SYNE1: variants seen among roughly 807,000 people sequenced by gnomAD.
SYNE1 encodes the protein nesprin-1.
SYNE1 carries 616 observed loss-of-function variants against 1,111.0 expected under a neutral mutation model. The ratio of observed to expected loss-of-function variants is 0.55; its 90% CI spans 0.52 to 0.59. The LOEUF is 0.59. Ranked by LOEUF, SYNE1 falls within the 20% of genes least tolerant of loss-of-function variation. The probability of loss-of-function intolerance (pLI) is 0.00; values close to 1 mark genes in which losing one functional copy is unlikely to be tolerated. For synonymous variants in SYNE1, 3,855 were observed against 3,825.8 expected (o/e 1.01, Z -0.28); for missense variants, 10,006 against 10,417.0 (o/e 0.96, Z 1.72).
At position 152,373,203 on chromosome 6, in the gene SYNE1, C is replaced by T. The variant is rs746850982; in HGVS notation, c.9341G>A (p.Ser3114Asn). 4 of 1,612,134 alleles carry T rather than the reference C, an allele frequency of 2.5e-6. No individual in the cohort carries two copies. Among genetic ancestry groups the T allele is most frequent in the East Asian group, 2.2e-5 (1 of 44,876 alleles). The change falls in exon 59 of 146, where the codon AGT becomes AAT. Residue 3114 changes from serine to asparagine, a missense_variant. By Grantham distance (46) the Ser-to-Asn change is conservative. This residue lies in a region of SYNE1 where 4,955 missense variants were observed against 5,017.2 expected (regional missense o/e 0.99). Coordinates refer to ENST00000367255, the MANE Select transcript of SYNE1 (RefSeq NM_182961.4). Reference sequence around the variant, plus strand: ...GTTTAGCTTGTGCTGTCCATTTTCACTTTCTGACAAAAACTCCTATAAAAG... The same window carrying T: ...GTTTAGCTTGTGCTGTCCATTTTCATTTTCTGACAAAAACTCCTATAAAAG... ...LQKIQEFLSE[S>N]ENGQHKLNMM...
chr6:152,150,565 A>G lies in SYNE1; in HGVS notation c.24451-897T>C, dbSNP rs1393092028. ...TGTCTACGGGCAAGTTCCTTGTTTT[A>G]TCATAACAACCCAAAGGTTATGGGC... On this transcript the variant is annotated intron_variant, in intron 135 of 145. Transcript: ENST00000367255. Among the ~76,000 whole-genome samples the G allele has an allele frequency of 3.3e-5, 5 of 152,294 alleles. No homozygotes were observed. The East Asian group carries it at 9.6e-4, about 29-fold the overall frequency.
In SYNE1 at chr6:152,533,563, C is replaced by T. The variant is rs75057514; in HGVS notation, c.129+6397G>A. ...TTTTCAAAAGTCTTCCAGTATCCAA[C>T]CACCTCTCATCACCTCTACTGCTAC... On this transcript the variant is annotated intron_variant, in intron 4 of 145. Transcript: ENST00000367255. 7.8e-3 allele frequency among the ~76,000 whole-genome samples: 1,182 copies of T among 152,206 alleles called. 21 individuals are homozygous for T. Among genetic ancestry groups the T allele is most frequent in the African/African-American group, 0.027 (1,129 of 41,532 alleles).
intron 14 of SYNE1, among the ~76,000 whole-genome samples, chr6:152,472,808 G>T (rs2098814096): frequency 6.6e-6 from 1 of 152,152 alleles, no homozygotes; most frequent in African/African-American, 2.4e-5. Context: ...AACCTTTAAT[G>T]GCAAAAGAGA....
intron 53 of SYNE1, among the ~76,000 whole-genome samples, chr6:152,389,089 A>G (rs995090747): frequency 6.6e-6 from 1 of 152,186 alleles, no homozygotes; most frequent in Non-Finnish European, 1.5e-5. Flanking sequence ...ACAACAACAA[A>G]AAAACCCTCC....
Position 152,268,142 on chromosome 6 carries a change from C to T in SYNE1, c.18729G>A (p.Glu6243=), listed in dbSNP as rs1356313993. Residue 6243 remains glutamate, a synonymous_variant, in exon 100 of 146, where the codon GAG becomes GAA. Coordinates refer to ENST00000367255, the MANE Select transcript of SYNE1 (RefSeq NM_182961.4). Reference sequence around the variant, plus strand: ...CTACTGAGCGAAGGAGACTCTTCTGCTCGGCTAATTCCTGTTCTAACTCCT... The same window carrying T: ...CTACTGAGCGAAGGAGACTCTTCTGTTCGGCTAATTCCTGTTCTAACTCCT... ...QQKELEQELA[E]QKSLLRSVAS... The T allele has an allele frequency of 3.7e-6, 6 of 1,614,136 alleles. No homozygotes were observed. The highest frequency in any genetic ancestry group is 5.1e-6 in the Non-Finnish European group (6 of 1,179,998).
intron 129 of SYNE1, among the ~76,000 whole-genome samples, chr6:152,178,141 T>C (rs936038209): frequency 2.6e-5 from 4 of 152,140 alleles, no homozygotes; most frequent in African/African-American, 7.2e-5. Context: ...AAATTATCTA[T>C]ATGAAAAGCT....
At chr6:152,203,594 G>A (rs940509721) in intron 126 of SYNE1, among the ~76,000 whole-genome samples, 4 of 152,212 alleles carry the variant, frequency 2.6e-5, no homozygotes, top group Non-Finnish European at 5.9e-5. Flanking sequence ...ATTATCATCA[G>A]TCTTTTCTTA....
chr6:152,448,806 C>T (rs760675896), intron 28 of SYNE1, among the ~76,000 whole-genome samples: 1 of 152,090 alleles, frequency 6.6e-6, no homozygotes, highest in Non-Finnish European at 1.5e-5. Context: ...GGTGCCACTG[C>T]ACTCCAAACC....
At chr6:152,318,307 A>T in intron 85 of SYNE1, 44 bp from the exon 86 acceptor site, 1 of 1,608,796 alleles carries the variant, frequency 6.2e-7, no homozygotes, top group East Asian at 2.2e-5. Context: ...TACAGAAAAT[A>T]AATTTCTCCA....
intron 3 of SYNE1, among the ~76,000 whole-genome samples, chr6:152,605,037 GGA>G (rs1216055862): frequency 4.9e-4 from 16 of 32,338 alleles, no homozygotes; most frequent in East Asian, 1.9e-3. Context: ...AGAGAGAGAG[GGA>G]GGGAGGGAGG....
intron 47 of SYNE1, among the ~76,000 whole-genome samples, chr6:152,400,778 T>C (rs963026340): frequency 1.3e-5 from 2 of 152,146 alleles, no homozygotes; most frequent in African/African-American, 2.4e-5. Flanking sequence ...ATAAATATAA[T>C]TAAGTGATGA....
At chr6:152,218,778 T>C (rs1006624315) in intron 120 of SYNE1, among the ~76,000 whole-genome samples, 2 of 152,208 alleles carry the variant, frequency 1.3e-5, no homozygotes, top group African/African-American at 4.8e-5. Context: ...CAGGCATTGG[T>C]TCAGGGGCTT....
chr6:152,232,137 A>T lies in SYNE1; in HGVS notation c.20841T>A (p.His6947Gln). ...TTACCTTATATTTCTGAAGGTATTC[A>T]TGAATTGCCTTGTAACCTATGGAAT... ...IKNSIGYKAI[H>Q]EYLQKYKGFK... Residue 6947 changes from histidine to glutamine, a missense_variant, in exon 113 of 146, where the codon CAT becomes CAA. His to Gln is a conservative substitution (Grantham distance 24, BLOSUM62 0). Around this residue, in one of 7 missense-constraint regions of SYNE1, gnomAD observed 2,182 missense variants for 2,287.8 expected, o/e 0.95. Transcript: ENST00000367255. 1 of 1,590,138 alleles carries T rather than the reference A, an allele frequency of 6.3e-7. No homozygotes were observed.
chr6:152,195,527 C>T (rs957063723), intron 127 of SYNE1, among the ~76,000 whole-genome samples: 2 of 152,204 alleles, frequency 1.3e-5, no homozygotes, highest in Admixed American at 1.3e-4. Flanking sequence ...CACCCCAAGC[C>T]CACTAAAACT....
chr6:152,242,311 T>C lies in SYNE1; in HGVS notation c.19822A>G (p.Lys6608Glu), dbSNP rs775815556. ...LADLLETGQE[K>E]MAGDQKIIVS... is the part of the protein sequence containing the mutation. The stretch of plus-strand genomic sequence containing the variant: ...ATGATTTTCTGGTCTCCTGCCATCT[T>C]CTCCTGACCAGTTTCTAGCAGGTCA... The change falls in exon 107 of 146, where the codon AAG (lysine) becomes GAG (glutamate). Residue 6608 changes from lysine (K) to glutamate (E), a missense_variant. Around this residue, in one of 7 missense-constraint regions of SYNE1, gnomAD observed 2,182 missense variants for 2,287.8 expected, o/e 0.95. Transcript: ENST00000367255. The C allele has an allele frequency of 6.2e-7, 1 of 1,614,086 alleles. No individual in the cohort carries two copies. The highest frequency in any genetic ancestry group is 1.7e-5 in the Admixed American group (1 of 60,006).
chr6:152,245,268 G>A (rs2086826977), intron 105 of SYNE1, among the ~76,000 whole-genome samples: 2 of 152,200 alleles, frequency 1.3e-5, no homozygotes, highest in Admixed American at 6.5e-5. Flanking sequence ...GTCTGGTTAG[G>A]AAGCCAGAGT....
In SYNE1 at chr6:152,451,198, TGAA is replaced by T. The variant is rs2098645767; in HGVS notation, c.3032_3034del (p.Leu1011del). 6.2e-7 allele frequency: 1 copy of T among 1,613,794 alleles called. No homozygotes were observed. The highest frequency in any genetic ancestry group is 1.3e-5 in the African/African-American group (1 of 74,854). ...AAGCAAATGATAAGGGGCTTCTCCT[TGAA>T]GATCCTACATTCCATAGGAAGATTC... On this transcript the variant is annotated inframe_deletion, in exon 26 of 146. Coordinates refer to ENST00000367255, the MANE Select transcript of SYNE1 (RefSeq NM_182961.4).
chr6:152,261,246 A>G (rs958362271), intron 101 of SYNE1, among the ~76,000 whole-genome samples: 3 of 152,200 alleles, frequency 2.0e-5, no homozygotes, highest in African/African-American at 7.2e-5. Flanking sequence ...AGCCCAGGAC[A>G]AAGGACTAGT....
intron 130 of SYNE1, among the ~76,000 whole-genome samples, chr6:152,169,626 T>A (rs1358511834): frequency 8.8e-5 from 4 of 45,230 alleles, no homozygotes; most frequent in African/African-American, 9.2e-5. Context: ...ACACCTCATC[T>A]CAAAAAAAAA....
Sources: gnomAD v4.1 joint callset for allele counts (sites outside exome capture counted in the v4.1 genomes callset) on GRCh38, gnomAD v4.1.1 for gene constraint, gnomAD v4.1.1 regional missense constraint, MANE v1.5 for transcripts, NCBI Gene and HGNC (gene_info 2026-07-23, HGNC 2026-07-21) for gene names.